The following MAF variants were observed in gnomAD, a reference collection of about 807,000 sequenced individuals.
MAF encodes the protein transcription factor Maf.
A neutral mutation model predicts 22.0 loss-of-function variants in MAF; 10 were observed. The observed-to-expected ratio is 0.45, with a 90% CI of 0.28 to 0.77. The LOEUF (loss-of-function observed/expected upper bound fraction) is 0.77. MAF is among the 30% of genes least tolerant of loss of function. The probability of loss-of-function intolerance (pLI) is 0.12; values close to 1 mark genes in which losing one functional copy is unlikely to be tolerated. For missense variants in MAF, 544 were observed against 548.4 expected, an observed-to-expected ratio of 0.99 and a Z score of 0.08; for synonymous variants, 337 against 255.8, an observed-to-expected ratio of 1.32 and a Z score of -3.03.
the MAF span, among the ~76,000 whole-genome samples, chr16:79,542,568 TCTTC>T: frequency 6.6e-6 from 1 of 152,150 alleles, no homozygotes; most frequent in African/African-American, 2.4e-5. Context: ...AGGGAACTGC[TCTTC>T]CTTCCCCTCC....
chr16:79,358,537 G>A, the MAF span, among the ~76,000 whole-genome samples: 8 of 152,212 alleles, frequency 5.3e-5, no homozygotes, highest in Non-Finnish European at 5.9e-5. Context: ...GGTAGATAGA[G>A]GAGCGTGGAT....
chr16:79,230,251 G>A, the MAF span, among the ~76,000 whole-genome samples: 1 of 152,092 alleles, frequency 6.6e-6, no homozygotes, highest in Non-Finnish European at 1.5e-5. Flanking sequence ...GCTCTCTTTG[G>A]CATTCTGGGT....
the MAF span, among the ~76,000 whole-genome samples, chr16:79,561,473 C>A: frequency 7.1e-6 from 1 of 139,870 alleles, no homozygotes; most frequent in Non-Finnish European, 1.5e-5. Context: ...CCCCTCCCCT[C>A]ACCCCAAAAC....
the MAF span, among the ~76,000 whole-genome samples, chr16:79,317,902 T>A: frequency 8.2e-6 from 1 of 121,820 alleles, no homozygotes; most frequent in South Asian, 2.7e-4. Flanking sequence ...TAGCTTGTAT[T>A]CATTCATTCA....
At chr16:79,242,366 C>CAAAAAA in the MAF span, among the ~76,000 whole-genome samples, 4 of 97,110 alleles carry the variant, frequency 4.1e-5, no homozygotes, top group Admixed American at 4.3e-4. Flanking sequence ...AAATGGGAAG[C>CAAAAAA]AAAAAAAAAA....
the MAF span, among the ~76,000 whole-genome samples, chr16:79,320,235 C>A: frequency 0.016 from 2,444 of 152,208 alleles, 16 homozygotes; most frequent in Middle Eastern, 0.044. Flanking sequence ...ATGTCTCTCT[C>A]TATATATATA....
chr16:79,350,862 G>A, the MAF span, among the ~76,000 whole-genome samples: 335 of 127,314 alleles, frequency 2.6e-3, 6 homozygotes, highest in African/African-American at 9.3e-3. Flanking sequence ...GCCTAACAGT[G>A]AGAAGTGTGT....
chr16:79,255,594 T>A, the MAF span, among the ~76,000 whole-genome samples: 1 of 152,192 alleles, frequency 6.6e-6, no homozygotes, highest in Non-Finnish European at 1.5e-5. Flanking sequence ...GTTGGAGCCC[T>A]TAGCTGAGGG....
the MAF span, among the ~76,000 whole-genome samples, chr16:79,217,658 C>T: frequency 6.6e-6 from 1 of 152,286 alleles, no homozygotes; most frequent in South Asian, 2.1e-4. Flanking sequence ...GCCAGTTTCT[C>T]TGCAGTCGTT....
the MAF span, among the ~76,000 whole-genome samples, chr16:79,218,849 T>C: frequency 6.6e-6 from 1 of 152,142 alleles, no homozygotes; most frequent in African/African-American, 2.4e-5. Context: ...GCCTACCTTT[T>C]TTCCTTTTCA....
chr16:79,498,152 G>A, the MAF span, among the ~76,000 whole-genome samples: 21 of 152,260 alleles, frequency 1.4e-4, no homozygotes, highest in African/African-American at 4.8e-4. Flanking sequence ...AGGAAGTGGT[G>A]GTATCTTAGC....
chr16:79,365,639 A>T, the MAF span, among the ~76,000 whole-genome samples: 1 of 151,948 alleles, frequency 6.6e-6, no homozygotes. Context: ...AACAGGGCTC[A>T]CTGGTATGTA....
At chr16:79,460,057 G>A in the MAF span, among the ~76,000 whole-genome samples, 3 of 151,958 alleles carry the variant, frequency 2.0e-5, no homozygotes, top group Non-Finnish European at 1.5e-5. Context: ...GTTTTAATAC[G>A]GCTTTTTATC....
the MAF span, among the ~76,000 whole-genome samples, chr16:79,520,465 C>T: frequency 6.6e-6 from 1 of 152,156 alleles, no homozygotes; most frequent in Non-Finnish European, 1.5e-5. Flanking sequence ...CCTCTCTTCT[C>T]TATCTCTCTG....
chr16:79,300,057 G>T, the MAF span, among the ~76,000 whole-genome samples: 1 of 152,160 alleles, frequency 6.6e-6, no homozygotes, highest in Admixed American at 6.5e-5. Context: ...GCAGCACCCA[G>T]GATAGCTCAT....
At chr16:79,347,603 A>C in the MAF span, among the ~76,000 whole-genome samples, 1 of 152,182 alleles carries the variant, frequency 6.6e-6, no homozygotes, top group Non-Finnish European at 1.5e-5. Context: ...CAAAAGCGGC[A>C]GGGGAGGTGT....
the MAF span, among the ~76,000 whole-genome samples, chr16:79,326,805 G>A: frequency 0.011 from 1,739 of 152,284 alleles, 24 homozygotes; most frequent in African/African-American, 0.039. Context: ...GACCTAGGGT[G>A]CTGAGAAAAT....
chr16:79,292,789 C>T, the MAF span, among the ~76,000 whole-genome samples: 15 of 152,244 alleles, frequency 9.9e-5, no homozygotes, highest in South Asian at 2.1e-4. Flanking sequence ...ACCAAGATGG[C>T]GATGATAGTA....
At chr16:79,346,797 A>T in the MAF span, among the ~76,000 whole-genome samples, 1 of 152,334 alleles carries the variant, frequency 6.6e-6, no homozygotes, top group African/African-American at 2.4e-5. Flanking sequence ...CTATTTGCAC[A>T]TTTCTGATGT....
Sources: allele counts gnomAD v4.1 joint callset (sites outside exome capture counted in the v4.1 genomes callset), GRCh38; gene constraint gnomAD v4.1.1; transcripts MANE v1.5; gene names NCBI Gene and HGNC (gene_info 2026-07-23, HGNC 2026-07-21).